RALYL: variants seen among roughly 807,000 people sequenced by gnomAD.
RALYL encodes the protein RNA-binding Raly-like protein.
A neutral mutation model predicts 35.1 loss-of-function variants in RALYL; 29 were observed. The ratio of observed to expected loss-of-function variants is 0.83; its 90% confidence interval spans 0.61 to 1.13. The LOEUF (loss-of-function observed/expected upper bound fraction) is 1.13, where lower values mean the gene tolerates loss of function less well. RALYL is among the 50% of genes most tolerant of loss of function. The pLI is 0.00. For missense variants in RALYL, 359 were observed against 360.4 expected (o/e 1.00, Z 0.03); for synonymous variants, 120 against 127.6 (o/e 0.94, Z 0.40).
chr8:84,563,893 AT>A (rs1269309719), intron 2 of RALYL, among the ~76,000 whole-genome samples: 4 of 151,790 alleles, frequency 2.6e-5, no homozygotes, highest in Non-Finnish European at 5.9e-5. Context: ...ATATAAAAAT[AT>A]TTCAATGTGA....
chr8:84,334,894 C>T (rs1420318409), intron 1 of RALYL, among the ~76,000 whole-genome samples: 3 of 152,150 alleles, frequency 2.0e-5, no homozygotes, highest in Middle Eastern at 3.2e-3. Flanking sequence ...TAAATTAACC[C>T]TGTCCTCTTA....
chr8:84,371,387 G>A (rs1197581517), intron 1 of RALYL, among the ~76,000 whole-genome samples: 1 of 151,848 alleles, frequency 6.6e-6, no homozygotes, highest in African/African-American at 2.4e-5. Context: ...CACAAAAAAA[G>A]CCACAACAAA....
At chr8:84,388,611 A>G (rs1339797432) in intron 1 of RALYL, among the ~76,000 whole-genome samples, 1 of 151,848 alleles carries the variant, frequency 6.6e-6, no homozygotes, top group Non-Finnish European at 1.5e-5. Flanking sequence ...GCATTTTTTC[A>G]TGTGTTTTTT....
intron 2 of RALYL, among the ~76,000 whole-genome samples, chr8:84,659,719 A>G (rs925771255): frequency 6.6e-6 from 1 of 152,212 alleles, no homozygotes; most frequent in African/African-American, 2.4e-5. Flanking sequence ...CCTAGTCACA[A>G]TAATATAAAT....
At chr8:84,711,162 A>C (rs973908831) in intron 2 of RALYL, among the ~76,000 whole-genome samples, 1 of 152,180 alleles carries the variant, frequency 6.6e-6, no homozygotes, top group Admixed American at 6.6e-5. Context: ...ACCAAGAAAG[A>C]GTCCAATAAG....
chr8:84,262,779 A>T (rs917870562), intron 1 of RALYL, among the ~76,000 whole-genome samples: 1 of 152,190 alleles, frequency 6.6e-6, no homozygotes, highest in Non-Finnish European at 1.5e-5. Flanking sequence ...AATTGACTAA[A>T]ATAGATCAGA....
chr8:84,658,495 G>A (rs147384992), intron 2 of RALYL, among the ~76,000 whole-genome samples: 4 of 152,202 alleles, frequency 2.6e-5, no homozygotes, highest in African/African-American at 9.6e-5. Context: ...AGGAAATTGT[G>A]GATAAACTCT....
intron 2 of RALYL, among the ~76,000 whole-genome samples, chr8:84,773,881 G>A (rs764271479): frequency 9.2e-5 from 14 of 152,228 alleles, no homozygotes; most frequent in Non-Finnish European, 1.5e-4. Context: ...AATTCTTAGC[G>A]AAAAATGAAA....
intron 1 of RALYL, among the ~76,000 whole-genome samples, chr8:84,360,521 A>G (rs1852768544): frequency 6.6e-6 from 1 of 152,220 alleles, no homozygotes; most frequent in Admixed American, 6.5e-5. Flanking sequence ...ATCGAAGATT[A>G]ATGAATAAGG....
At chr8:84,423,023 C>T (rs1188800063) in intron 1 of RALYL, among the ~76,000 whole-genome samples, 14 of 149,646 alleles carry the variant, frequency 9.4e-5, no homozygotes, top group Admixed American at 2.7e-4. Context: ...AATGTATATT[C>T]TGTTGATTTG....
chr8:84,705,258 A>ACTGTCT (rs1840990417), intron 2 of RALYL, among the ~76,000 whole-genome samples: 1 of 152,084 alleles, frequency 6.6e-6, no homozygotes, highest in African/African-American at 2.4e-5. Context: ...ATATGCCCCA[A>ACTGTCT]CTACTGTCAA....
intron 2 of RALYL, among the ~76,000 whole-genome samples, chr8:84,703,567 T>C (rs1422400356): frequency 1.3e-5 from 2 of 152,172 alleles, no homozygotes; most frequent in African/African-American, 4.8e-5. Context: ...TTCAGATTGA[T>C]ATTAATTATA....
chr8:84,752,382 A>C lies in RALYL; in HGVS notation c.257-22197A>C, dbSNP rs561571865. Among the ~76,000 whole-genome samples the C allele has an allele frequency of 2.0e-5, 3 of 152,332 alleles. No individual in the cohort carries two copies. The East Asian group carries it at 5.8e-4, about 29-fold the overall frequency. ...CCTGAAACTGGAACTTATATTTAAAAGGGAAGCAGAGCATAAAATTTGAAA... is the reference window on the plus strand; with the variant it reads ...CCTGAAACTGGAACTTATATTTAAACGGGAAGCAGAGCATAAAATTTGAAA... On this transcript the variant is annotated intron_variant, in intron 2 of 8. Transcript: ENST00000521268.
In RALYL at chr8:84,306,863, G is replaced by T. The variant is rs190517070; in HGVS notation, c.-24+122439G>T. Among the ~76,000 whole-genome samples the T allele has an allele frequency of 3.2e-3, 484 of 152,288 alleles. 1 individual carries two copies. Among genetic ancestry groups the T allele is most frequent in the Non-Finnish European group, 5.8e-3 (394 of 68,026 alleles). On this transcript the variant is annotated intron_variant, in intron 1 of 8. Transcript: ENST00000521268. ...TTCTGTATCCTGGTGTTTAGATCAG[G>T]ATTAAGAAAATGGCACAAGCATTCT...
At chr8:84,327,592 G>A (rs764613978) in intron 1 of RALYL, among the ~76,000 whole-genome samples, 31 of 151,922 alleles carry the variant, frequency 2.0e-4, no homozygotes, top group South Asian at 1.2e-3. Flanking sequence ...CTATGGCTGC[G>A]TTCCTGCTGC....
intron 1 of RALYL, among the ~76,000 whole-genome samples, chr8:84,448,521 C>A (rs1587363740): frequency 6.6e-6 from 1 of 152,038 alleles, no homozygotes; most frequent in African/African-American, 2.4e-5. Context: ...TGATGAAAAA[C>A]CTTCATACAG....
intron 4 of RALYL, among the ~76,000 whole-genome samples, chr8:84,810,728 C>T (rs1174103698): frequency 6.6e-6 from 1 of 152,120 alleles, no homozygotes; most frequent in Non-Finnish European, 1.5e-5. Flanking sequence ...AGGTATTTTA[C>T]CATTATATAA....
intron 8 of RALYL, among the ~76,000 whole-genome samples, chr8:84,902,214 CG>C (rs1196189274): frequency 6.6e-6 from 1 of 151,970 alleles, no homozygotes; most frequent in African/African-American, 2.4e-5. Flanking sequence ...GAGGAGGCCC[CG>C]GAAGTATAAT....
At chr8:84,289,529 T>C (rs1263856899) in intron 1 of RALYL, among the ~76,000 whole-genome samples, 1 of 152,084 alleles carries the variant, frequency 6.6e-6, no homozygotes, top group Admixed American at 6.6e-5. Context: ...GGAAATTGCG[T>C]TCAGAATATT....
Sources: gnomAD v4.1 joint callset for allele counts (sites outside exome capture counted in the v4.1 genomes callset) on GRCh38, gnomAD v4.1.1 for gene constraint, MANE v1.5 for transcripts, NCBI Gene and HGNC (gene_info 2026-07-23, HGNC 2026-07-21) for gene names.